PHKB: variants seen among roughly 807,000 people sequenced by gnomAD.
The protein encoded by PHKB is phosphorylase b kinase regulatory subunit beta.
PHKB carries 122 observed loss-of-function variants against 152.1 expected under a neutral mutation model. The observed-to-expected ratio is 0.80, with a 90% CI of 0.69 to 0.93. PHKB has a LOEUF of 0.93. PHKB is among the 40% of genes least tolerant of loss of function. The pLI, the probability that PHKB is intolerant of heterozygous loss-of-function variation, is 0.00. For missense variants in PHKB, 1,304 were observed against 1,328.4 expected (o/e 0.98, Z 0.29); for synonymous variants, 436 against 464.9 (o/e 0.94, Z 0.80).
intron 7 of PHKB, among the ~76,000 whole-genome samples, chr16:47,559,935 T>C (rs1292017288): frequency 1.3e-5 from 2 of 152,184 alleles, no homozygotes; most frequent in African/African-American, 2.4e-5. Context: ...AAAAAAAACT[T>C]TGGACCTGCA....
chr16:47,652,513 A>G (rs1973255561), intron 20 of PHKB, among the ~76,000 whole-genome samples: 1 of 151,782 alleles, frequency 6.6e-6, no homozygotes, highest in Non-Finnish European at 1.5e-5. Flanking sequence ...CCCACCAAAC[A>G]GTGTATAACA....
At chr16:47,653,394 A>C (rs886802065) in intron 20 of PHKB, among the ~76,000 whole-genome samples, 3 of 152,276 alleles carry the variant, frequency 2.0e-5, no homozygotes, top group Middle Eastern at 3.4e-3. Flanking sequence ...GTAACTCCCT[A>C]AGTGTTTAGG....
chr16:47,686,664 C>G (rs1597181624), intron 26 of PHKB, among the ~76,000 whole-genome samples: 2 of 152,156 alleles, frequency 1.3e-5, no homozygotes, highest in Non-Finnish European at 2.9e-5. Flanking sequence ...TATATAATGA[C>G]TTATTTGGTA....
intron 2 of PHKB, 23 bp downstream of exon 2, chr16:47,497,511 G>T: frequency 7.6e-7 from 1 of 1,322,708 alleles, no homozygotes; most frequent in East Asian, 2.3e-5. Flanking sequence ...TGAGGAAAAC[G>T]TGTCCTTAGG....
chr16:47,629,052 C>A (rs1972769925), intron 14 of PHKB, among the ~76,000 whole-genome samples: 1 of 152,156 alleles, frequency 6.6e-6, no homozygotes, highest in Non-Finnish European at 1.5e-5. Context: ...AAATGTTAGA[C>A]CTAAAACCAT....
intron 1 of PHKB, among the ~76,000 whole-genome samples, chr16:47,486,631 C>T (rs766210579): frequency 7.9e-5 from 12 of 152,168 alleles, no homozygotes; most frequent in African/African-American, 2.2e-4. Flanking sequence ...ATGCCTACCC[C>T]GTCTGCAACC....
intron 6 of PHKB, among the ~76,000 whole-genome samples, chr16:47,518,241 G>T (rs926404903): frequency 2.6e-5 from 4 of 152,074 alleles, no homozygotes; most frequent in Admixed American, 6.6e-5. Context: ...TAGGATTGAA[G>T]AATTCAGAGT....
At chr16:47,641,861 TA>T (rs35974190) in intron 16 of PHKB, among the ~76,000 whole-genome samples, 169 bp downstream of exon 16, 11 of 148,428 alleles carry the variant, frequency 7.4e-5, no homozygotes, top group Non-Finnish European at 1.3e-4. Context: ...ACATTGTTAC[TA>T]AAAAAAAAAC....
chr16:47,548,639 C>T (rs1250115088), intron 7 of PHKB, among the ~76,000 whole-genome samples: 1 of 148,678 alleles, frequency 6.7e-6, no homozygotes, highest in Non-Finnish European at 1.5e-5. Context: ...CTGTAGAAAA[C>T]ACTGGTTGAG....
intron 4 of PHKB, among the ~76,000 whole-genome samples, chr16:47,506,167 CAG>C (rs1970414797): frequency 6.8e-6 from 1 of 147,638 alleles, no homozygotes; most frequent in Admixed American, 6.8e-5. Context: ...GCCTGGGCAA[CAG>C]AGTGAGACTC....
intron 1 of PHKB, among the ~76,000 whole-genome samples, chr16:47,481,695 T>G (rs1418541307): frequency 6.6e-6 from 1 of 152,206 alleles, no homozygotes; most frequent in African/African-American, 2.4e-5. Context: ...TAATATGCAC[T>G]GTGTGTTGCT....
In PHKB at chr16:47,543,664, G is replaced by A; in HGVS notation, c.595-3769G>A. Reference sequence around the variant, plus strand: ...TTTGGTTGGTAGGCTATTAATTATTGCCTCAATTTCAGAGCCTATTATTGA... The same window carrying A: ...TTTGGTTGGTAGGCTATTAATTATTACCTCAATTTCAGAGCCTATTATTGA... On this transcript the variant is annotated intron_variant, in intron 6 of 30. Transcript: ENST00000323584. 1.3e-5 allele frequency among the ~76,000 whole-genome samples: 2 copies of A among 152,056 alleles called. 1 individual carries two copies. The highest frequency in any genetic ancestry group is 2.9e-5 in the Non-Finnish European group (2 of 68,010).
Position 47,650,608 on chromosome 16 carries a change from T to C in PHKB, c.1862T>C (p.Ile621Thr), listed in dbSNP as rs1042750036. Residue 621 changes from isoleucine (I) to threonine (T), a missense_variant, in exon 19 of 31, where the codon ATC (isoleucine) becomes ACC (threonine). Transcript: ENST00000323584. Reference sequence around the variant, plus strand: ...GGACGTCCACTTTTCCTTGTTCTCATCCGGGAAGACAATATAAGGTAGGTT... The same window carrying C: ...GGACGTCCACTTTTCCTTGTTCTCACCCGGGAAGACAATATAAGGTAGGTT... ...MHGRPLFLVL[I>T]REDNIRGSRF... 27 of 1,607,904 alleles carry C rather than the reference T, an allele frequency of 1.7e-5. No individual in the cohort carries two copies. The highest frequency in any genetic ancestry group is 2.1e-5 in the Non-Finnish European group (25 of 1,174,520).
intron 6 of PHKB, among the ~76,000 whole-genome samples, chr16:47,546,371 T>C (rs1971164521): frequency 6.6e-6 from 1 of 152,228 alleles, no homozygotes; most frequent in South Asian, 2.1e-4. Context: ...TGGGGTTTGC[T>C]GGAGGTCCAC....
chr16:47,668,401 A>G (rs1428686360), intron 25 of PHKB, among the ~76,000 whole-genome samples: 1 of 152,104 alleles, frequency 6.6e-6, no homozygotes, highest in Non-Finnish European at 1.5e-5. Context: ...GTGGCCTTTG[A>G]TATGCTATTC....
chr16:47,568,718 G>C (rs1015409725), intron 7 of PHKB, among the ~76,000 whole-genome samples: 1 of 152,116 alleles, frequency 6.6e-6, no homozygotes, highest in East Asian at 1.9e-4. Context: ...TGGGTAACTT[G>C]TGTCACTGTT....
In PHKB at chr16:47,654,736, GGT is replaced by G. The variant is rs1197199086; in HGVS notation, c.1971+3817_1971+3818del. Among the ~76,000 whole-genome samples, 43 of 150,836 alleles carry G rather than the reference GGT, an allele frequency of 2.9e-4. 1 individual carries two copies. The highest frequency in any genetic ancestry group is 1.4e-3 in the East Asian group (7 of 5,078). On this transcript the variant is annotated intron_variant, in intron 20 of 30. Transcript: ENST00000323584. ...CGAACACCACATGTTCTCACTCATA[GGT>G]GCGAATTGAACAATGAGAACACTTG... is the stretch of plus-strand genomic sequence containing the variant.
At chr16:47,524,100 C>T (rs1340007623) in intron 6 of PHKB, among the ~76,000 whole-genome samples, 1 of 152,066 alleles carries the variant, frequency 6.6e-6, no homozygotes, top group African/African-American at 2.4e-5. Context: ...ATTTAATGCT[C>T]GGATCGTTGT....
chr16:47,558,150 T>C (rs548024043), intron 7 of PHKB, among the ~76,000 whole-genome samples: 8 of 147,500 alleles, frequency 5.4e-5, no homozygotes, highest in Admixed American at 4.8e-4. Context: ...AACCAAACAC[T>C]GCATGTTCTC....
Sources: gnomAD v4.1 joint callset for allele counts (sites outside exome capture counted in the v4.1 genomes callset) on GRCh38, gnomAD v4.1.1 for gene constraint, MANE v1.5 for transcripts, NCBI Gene and HGNC (gene_info 2026-07-23, HGNC 2026-07-21) for gene names.